Variants in CLEC1A observed in about 807,000 individuals in gnomAD.
CLEC1A encodes the protein C-type lectin domain family 1 member A.
Under a neutral mutation model 28.7 loss-of-function variants are expected in CLEC1A, and 34 were observed. The ratio of observed to expected loss-of-function variants is 1.18; its 90% CI spans 0.90 to 1.57. The LOEUF (loss-of-function observed/expected upper bound fraction) is 1.57. Ranked by LOEUF, CLEC1A falls within the 40% of genes most tolerant of loss-of-function variation. The pLI is 0.00. For missense variants in CLEC1A, 385 were observed against 339.5 expected, an observed-to-expected ratio of 1.13 and a Z score of -1.05; for synonymous variants, 116 against 121.0, an observed-to-expected ratio of 0.96 and a Z score of 0.27.
intron 2 of CLEC1A, chr12:10,084,125 T>C (rs1391945312): frequency 2.6e-5 from 4 of 152,210 alleles, no homozygotes; most frequent in Non-Finnish European, 4.4e-5. Flanking sequence ...TTTGAGGGGA[T>C]AAACCAGGAA....
intron 5 of CLEC1A, among the ~76,000 whole-genome samples, chr12:10,072,277 C>T (rs1181697776): frequency 6.6e-6 from 1 of 152,178 alleles, no homozygotes; most frequent in Non-Finnish European, 1.5e-5. Context: ...CCTCAGAAGC[C>T]AAGCAGATGC....
intron 3 of CLEC1A, among the ~76,000 whole-genome samples, chr12:10,080,400 C>T (rs544837721): frequency 6.6e-6 from 1 of 152,166 alleles, no homozygotes; most frequent in South Asian, 2.1e-4. Context: ...GAAAGAATCA[C>T]TTAGAGAAGT....
chr12:10,090,426 T>C (rs1423213289), intron 1 of CLEC1A, among the ~76,000 whole-genome samples: 4 of 152,096 alleles, frequency 2.6e-5, no homozygotes, highest in South Asian at 2.1e-4. Context: ...AATTTTTTTT[T>C]CCTATATTTT....
chr12:10,098,781 C>A, intron 1 of CLEC1A, 27 bp downstream of exon 1: 1 of 1,465,576 alleles, frequency 6.8e-7, no homozygotes, highest in Non-Finnish European at 9.5e-7. Flanking sequence ...GGACTGTGGT[C>A]TATTTGGACT....
At chr12:10,090,662 A>C (rs1866600629) in intron 1 of CLEC1A, among the ~76,000 whole-genome samples, 1 of 152,158 alleles carries the variant, frequency 6.6e-6, no homozygotes, top group Non-Finnish European at 1.5e-5. Flanking sequence ...ATCCTCTGGA[A>C]CTTACAATCT....
intron 1 of CLEC1A, among the ~76,000 whole-genome samples, chr12:10,090,240 C>A (rs948435013): frequency 2.6e-5 from 4 of 152,124 alleles, no homozygotes; most frequent in African/African-American, 7.2e-5. Flanking sequence ...AAGGAAAATT[C>A]TTTTCCTTCT....
chr12:10,079,745 G>A (rs914272593), intron 3 of CLEC1A, among the ~76,000 whole-genome samples: 1 of 151,880 alleles, frequency 6.6e-6, no homozygotes, highest in Non-Finnish European at 1.5e-5. Flanking sequence ...CTTGAACCCA[G>A]GAGATGGAGA....
At chr12:10,094,505 G>T (rs1483943758) in intron 1 of CLEC1A, among the ~76,000 whole-genome samples, 1 of 151,816 alleles carries the variant, frequency 6.6e-6, no homozygotes, top group African/African-American at 2.4e-5. Flanking sequence ...CCATAAGTGT[G>T]TTCTAGATAC....
Position 10,095,700 on chromosome 12 carries a change from C to T in CLEC1A, c.115+3108G>A, listed in dbSNP as rs1181573174. On this transcript the variant is annotated intron_variant, in intron 1 of 5. Transcript: ENST00000315330. ...TTTTAGTCTTCCTTTCGCTTAAACT[C>T]TCTGCAGTATTTGTTATTTGTTGTT... is the stretch of plus-strand genomic sequence containing the variant. 1.2e-4 allele frequency among the ~76,000 whole-genome samples: 18 copies of T among 152,148 alleles called. 1 individual carries two copies. Among genetic ancestry groups the T allele is most frequent in the Admixed American group, 3.3e-4 (5 of 15,280 alleles).
chr12:10,073,006 G>A (rs896962380), intron 5 of CLEC1A, among the ~76,000 whole-genome samples: 1 of 152,118 alleles, frequency 6.6e-6, no homozygotes, highest in Non-Finnish European at 1.5e-5. Context: ...CTTGAGCCTG[G>A]GAGGCAGAGG....
At chr12:10,073,998 C>T (rs1866194958) in intron 4 of CLEC1A, among the ~76,000 whole-genome samples, 1 of 152,108 alleles carries the variant, frequency 6.6e-6, no homozygotes. Context: ...CATATGTTTA[C>T]ATTTTAAAAG....
At chr12:10,087,473 TATATATATATA>T (rs1866521282) in intron 2 of CLEC1A, among the ~76,000 whole-genome samples, 3 of 248 alleles carry the variant, frequency 0.012, no homozygotes, top group Non-Finnish European at 0.079. Context: ...ACCTCAAAGT[TATATATATATA>T]TATATATATA....
intron 1 of CLEC1A, among the ~76,000 whole-genome samples, chr12:10,098,521 G>T (rs1362438110): frequency 6.6e-6 from 1 of 152,116 alleles, no homozygotes; most frequent in Non-Finnish European, 1.5e-5. Context: ...TTAGGACCTA[G>T]AACCTAGTCC....
chr12:10,089,288 G>C, intron 1 of CLEC1A, 66 bp from the exon 2 acceptor site: 1 of 1,310,184 alleles, frequency 7.6e-7, no homozygotes, highest in Non-Finnish European at 1.1e-6. Flanking sequence ...GTCAATAACA[G>C]GTAAGGGAGT....
At chr12:10,075,114 T>A (rs972279906) in intron 4 of CLEC1A, among the ~76,000 whole-genome samples, 5 of 152,210 alleles carry the variant, frequency 3.3e-5, no homozygotes, top group Non-Finnish European at 7.3e-5. Flanking sequence ...AAAAACTTAG[T>A]TAAATATTTT....
In CLEC1A at chr12:10,075,494, A is replaced by C; in HGVS notation, c.543+10T>G. On this transcript the variant is annotated intron_variant, in intron 4 of 5. Coordinates refer to ENST00000315330, the MANE Select transcript of CLEC1A (RefSeq NM_016511.4). ...AATCCTTCAAACATTGAAAAGCCTC[A>C]GAATCTTACCAGGTCTTCTTGTTTG... 1 of 1,613,146 alleles carries C rather than the reference A, an allele frequency of 6.2e-7. No homozygotes were observed. Among genetic ancestry groups the C allele is most frequent in the South Asian group, 1.1e-5 (1 of 90,950 alleles).
chr12:10,078,754 T>C (rs1866305136), intron 3 of CLEC1A, among the ~76,000 whole-genome samples: 1 of 152,154 alleles, frequency 6.6e-6, no homozygotes. Flanking sequence ...ATATTGGAAT[T>C]TGATCCTCAG....
chr12:10,077,452 G>GA (rs1346323425), intron 3 of CLEC1A, among the ~76,000 whole-genome samples: 1 of 152,004 alleles, frequency 6.6e-6, no homozygotes, highest in Non-Finnish European at 1.5e-5. Context: ...TTTTAAAGGA[G>GA]AAAAATGCAT....
chr12:10,087,221 A>G (rs1256659862), intron 2 of CLEC1A, among the ~76,000 whole-genome samples: 1 of 150,100 alleles, frequency 6.7e-6, no homozygotes, highest in Admixed American at 6.6e-5. Context: ...AAAAAAAAAA[A>G]AGACTAGCTA....
Sources: allele counts gnomAD v4.1 joint callset (sites outside exome capture counted in the v4.1 genomes callset), GRCh38; gene constraint gnomAD v4.1.1; transcripts MANE v1.5; gene names NCBI Gene and HGNC (gene_info 2026-07-23, HGNC 2026-07-21).